Variants in ABCG2 observed in about 807,000 individuals in gnomAD.
ABCG2 encodes broad substrate specificity ATP-binding cassette transporter ABCG2.
ABCG2 carries 80 observed loss-of-function variants against 73.5 expected under a neutral mutation model. The ratio of observed to expected loss-of-function variants is 1.09; its 90% CI spans 0.91 to 1.31. ABCG2 has a LOEUF of 1.31. Ranked by LOEUF, ABCG2 falls within the 50% of genes most tolerant of loss-of-function variation. The probability of loss-of-function intolerance (pLI) is 0.00; values close to 1 mark genes in which losing one functional copy is unlikely to be tolerated. For missense variants in ABCG2, 796 were observed against 786.2 expected, an observed-to-expected ratio of 1.01 and a Z score of -0.15; for synonymous variants, 269 against 282.4, an observed-to-expected ratio of 0.95 and a Z score of 0.48.
intron 1 of ABCG2, among the ~76,000 whole-genome samples, chr4:88,146,632 G>T (rs1010183162): frequency 6.6e-6 from 1 of 152,094 alleles, no homozygotes; most frequent in Non-Finnish European, 1.5e-5. Context: ...AACCTCAGGT[G>T]ATCCACCTGC....
chr4:88,151,225 T>C (rs1170139302), intron 1 of ABCG2, among the ~76,000 whole-genome samples: 1 of 152,134 alleles, frequency 6.6e-6, no homozygotes, highest in South Asian at 2.1e-4. Context: ...GTGGGAAGAT[T>C]AGCAGCAGTG....
intron 1 of ABCG2, among the ~76,000 whole-genome samples, chr4:88,144,031 G>T (rs1278839399): frequency 6.6e-6 from 1 of 152,162 alleles, no homozygotes; most frequent in Non-Finnish European, 1.5e-5. Context: ...TTCTGGACAT[G>T]TGTGCTGATC....
chr4:88,140,812 G>T (rs934464192), intron 1 of ABCG2, among the ~76,000 whole-genome samples: 25 of 152,050 alleles, frequency 1.6e-4, no homozygotes, highest in African/African-American at 5.3e-4. Flanking sequence ...AAAATTGTTT[G>T]CAATTACATA....
chr4:88,146,198 T>C (rs975699247), intron 1 of ABCG2, among the ~76,000 whole-genome samples: 5 of 152,104 alleles, frequency 3.3e-5, no homozygotes, highest in African/African-American at 1.2e-4. Flanking sequence ...GTATCGCTGT[T>C]AGGTTTTCTT....
At chr4:88,229,270 C>T (rs1467558580) in intron 1 of ABCG2, among the ~76,000 whole-genome samples, 1 of 152,134 alleles carries the variant, frequency 6.6e-6, no homozygotes, top group African/African-American at 2.4e-5. Flanking sequence ...CCTCACCAGG[C>T]CTGCACACTC....
chr4:88,122,140 T>C (rs780173494), intron 5 of ABCG2, among the ~76,000 whole-genome samples: 4 of 152,010 alleles, frequency 2.6e-5, no homozygotes, highest in African/African-American at 4.8e-5. Context: ...GCCCACATAC[T>C]GTACTTTTCC....
intron 5 of ABCG2, among the ~76,000 whole-genome samples, chr4:88,123,318 G>T (rs546064798): frequency 2.8e-4 from 43 of 152,272 alleles, no homozygotes; most frequent in African/African-American, 9.4e-4. Context: ...TGAGTTTGAT[G>T]AATAGACAGA....
chr4:88,139,847 C>T lies in ABCG2; in HGVS notation c.149G>A (p.Ser50Asn), dbSNP rs1725502407. ...TGGTTTTCGACAAGGTAGAAAGCCA[C>T]TCTTCAGTTTTACTCGATAGCAGAT... Reference protein sequence around the residue: ...HNICYRVKLKSGFLPCRKPVE... With the variant: ...HNICYRVKLKNGFLPCRKPVE... Residue 50 changes from serine (S) to asparagine (N), a missense_variant, in exon 2 of 16, where the codon AGT becomes AAT. Transcript: ENST00000237612. 6.2e-7 allele frequency: 1 copy of T among 1,614,168 alleles called. No individual in the cohort carries two copies. The highest frequency in any genetic ancestry group is 8.5e-7 in the Non-Finnish European group (1 of 1,180,024).
chr4:88,094,679 A>C lies in ABCG2; in HGVS notation c.1738-20T>G, dbSNP rs990676610. 3 of 1,589,548 alleles carry C rather than the reference A, an allele frequency of 1.9e-6. No homozygotes were observed. Among genetic ancestry groups the C allele is most frequent in the Non-Finnish European group, 2.6e-6 (3 of 1,157,704 alleles). ...CAAAGCCTATAACACAAGTGGGAGC[A>C]GGGCAAGGTAAACAGTTTTAAATTT... On this transcript the variant is annotated intron_variant, in intron 14 of 15. Coordinates refer to ENST00000237612, the MANE Select transcript of ABCG2 (RefSeq NM_004827.3).
intron 15 of ABCG2, among the ~76,000 whole-genome samples, chr4:88,094,342 C>T (rs1022842147): frequency 2.8e-4 from 42 of 151,838 alleles, no homozygotes; most frequent in Non-Finnish European, 2.9e-5. Flanking sequence ...CAATAAGAAA[C>T]AAACGTAAGA....
chr4:88,117,888 G>A (rs1306562600), intron 7 of ABCG2, among the ~76,000 whole-genome samples: 1 of 152,158 alleles, frequency 6.6e-6, no homozygotes, highest in Non-Finnish European at 1.5e-5. Context: ...ATACACACAT[G>A]CATGCACATT....
At chr4:88,224,598 C>G (rs1730134929) in intron 1 of ABCG2, among the ~76,000 whole-genome samples, 1 of 152,044 alleles carries the variant, frequency 6.6e-6, no homozygotes, top group Admixed American at 6.5e-5. Flanking sequence ...CTCAAGCAAT[C>G]CTCCTGCTTC....
intron 1 of ABCG2, among the ~76,000 whole-genome samples, chr4:88,143,445 C>A (rs75677929): frequency 1.6e-3 from 245 of 152,218 alleles, no homozygotes; most frequent in African/African-American, 5.6e-3. Flanking sequence ...CTCACTGACT[C>A]AAGACGGAAA....
intron 1 of ABCG2, among the ~76,000 whole-genome samples, chr4:88,208,422 C>T (rs879781749): frequency 2.6e-5 from 4 of 152,182 alleles, no homozygotes; most frequent in African/African-American, 4.8e-5. Context: ...GAAAATGCAA[C>T]ATTTGTGCAA....
chr4:88,094,089 C>A (rs1169096626), intron 15 of ABCG2, among the ~76,000 whole-genome samples: 3 of 152,124 alleles, frequency 2.0e-5, no homozygotes, highest in African/African-American at 7.2e-5. Context: ...AGGATCTTGG[C>A]AGGGAAATGT....
At position 88,099,419 on chromosome 4, in the gene ABCG2, ACT is replaced by A. The variant is rs769679787; in HGVS notation, c.1395_1396del (p.Arg465SerfsTer12). On this transcript the variant is annotated frameshift_variant, in exon 12 of 16. Transcript: ENST00000237612. LOFTEE classifies it high-confidence loss of function. ...CAGTTTTCCAAGGAAATAAGATGAC[ACT>A]CTGTAGTATCCGCTGATGTATTCAT... is the stretch of plus-strand genomic sequence containing the variant. 6 of 1,610,002 alleles carry A rather than the reference ACT, an allele frequency of 3.7e-6. No individual in the cohort carries two copies. The highest frequency in any genetic ancestry group is 1.3e-5 in the African/African-American group (1 of 74,858).
upstream of ABCG2, among the ~76,000 whole-genome samples, chr4:88,162,972 C>G (rs1409597489): frequency 6.6e-6 from 1 of 152,088 alleles, no homozygotes; most frequent in Non-Finnish European, 1.5e-5. Context: ...CTGGTAAGGC[C>G]CCAGTATGCT....
upstream of ABCG2, chr4:88,163,632 C>T (rs566923992): frequency 2.9e-5 from 6 of 206,638 alleles, no homozygotes; most frequent in East Asian, 2.9e-4. Context: ...CTGCCATAAA[C>T]GAGGTAGTGA....
intron 1 of ABCG2, among the ~76,000 whole-genome samples, chr4:88,172,517 T>C (rs1043718190): frequency 1.8e-4 from 26 of 147,658 alleles, no homozygotes; most frequent in African/African-American, 6.3e-4. Context: ...AGGCAGAGGT[T>C]GCAGTGAGCC....
Sources: allele counts gnomAD v4.1 joint callset (sites outside exome capture counted in the v4.1 genomes callset), GRCh38; gene constraint gnomAD v4.1.1; transcripts MANE v1.5; gene names NCBI Gene and HGNC (gene_info 2026-07-23, HGNC 2026-07-21).